Variants in KCTD16 observed in about 807,000 individuals in gnomAD.
The protein encoded by KCTD16 is potassium channel tetramerization domain containing 16.
Under a neutral mutation model 33.2 loss-of-function variants are expected in KCTD16, and 13 were observed. That is an observed-to-expected ratio of 0.39 (90% confidence interval 0.25 to 0.62). The LOEUF is 0.62. Among genes scored for constraint, KCTD16 ranks in the 20% least tolerant of loss-of-function variants. The probability of loss-of-function intolerance (pLI) is 0.50; values close to 1 mark genes in which losing one functional copy is unlikely to be tolerated. For synonymous variants in KCTD16, 197 were observed against 195.3 expected (o/e 1.01, Z -0.07); for missense variants, 441 against 525.1 (o/e 0.84, Z 1.57).
chr5:144,393,948 TTTTC>T (rs1405275885), intron 3 of KCTD16, among the ~76,000 whole-genome samples: 4 of 151,394 alleles, frequency 2.6e-5, no homozygotes, highest in South Asian at 4.2e-4. Context: ...CTTTTCCTTT[TTTTC>T]TTTCTTTTTT....
In KCTD16 at chr5:144,480,106, A is replaced by T. The variant is rs1427638379; in HGVS notation, c.*5992A>T. ...TCCATCACAAATGGAAGCAGAACTG[A>T]TGCTTAGTAAAGTAATGAGAGTTGC... is the stretch of plus-strand genomic sequence containing the variant. On this transcript the variant is annotated 3_prime_UTR_variant, in exon 4 of 4. Coordinates refer to ENST00000512467, the MANE Select transcript of KCTD16 (RefSeq NM_020768.4). 6.6e-6 allele frequency: 1 copy of T among 152,010 alleles called. No individual in the cohort carries two copies. Among genetic ancestry groups the T allele is most frequent in the Non-Finnish European group, 1.5e-5 (1 of 67,964 alleles). The allele number at this position is 152,010 out of a possible 1,614,324, so 9.4% of individuals were successfully genotyped here.
intron 3 of KCTD16, among the ~76,000 whole-genome samples, chr5:144,309,768 G>A (rs1751710115): frequency 6.6e-6 from 1 of 152,012 alleles, no homozygotes; most frequent in African/African-American, 2.4e-5. Context: ...TATGAGAGAT[G>A]GACCATTTTG....
chr5:144,235,915 C>A (rs935585933), intron 3 of KCTD16, among the ~76,000 whole-genome samples: 1 of 151,928 alleles, frequency 6.6e-6, no homozygotes, highest in African/African-American at 2.4e-5. Context: ...AAATCTTATC[C>A]CAATGCATGC....
intron 3 of KCTD16, among the ~76,000 whole-genome samples, chr5:144,467,762 G>C (rs750875936): frequency 3.3e-5 from 5 of 152,080 alleles, no homozygotes; most frequent in Non-Finnish European, 7.4e-5. Context: ...ACACATTCCT[G>C]CAGGTCAAGA....
intron 3 of KCTD16, among the ~76,000 whole-genome samples, chr5:144,362,560 C>T (rs548817699): frequency 2.6e-5 from 4 of 152,240 alleles, no homozygotes; most frequent in African/African-American, 9.6e-5. Flanking sequence ...CGATCACTAC[C>T]TTGAGGTTCT....
intron 3 of KCTD16, among the ~76,000 whole-genome samples, chr5:144,280,311 T>C (rs1410665602): frequency 5.3e-5 from 8 of 152,152 alleles, no homozygotes; most frequent in Non-Finnish European, 1.2e-4. Context: ...TGGAGTTTTA[T>C]TTGTTGGAAG....
intron 3 of KCTD16, among the ~76,000 whole-genome samples, chr5:144,217,780 A>G (rs1484488268): frequency 2.0e-5 from 3 of 152,084 alleles, no homozygotes; most frequent in African/African-American, 4.8e-5. Flanking sequence ...CAATCTGCAT[A>G]TACTTCATTG....
chr5:144,411,004 C>A lies in KCTD16; in HGVS notation c.833-62656C>A, dbSNP rs149303780. On this transcript the variant is annotated intron_variant, in intron 3 of 3. Coordinates refer to ENST00000512467, the MANE Select transcript of KCTD16 (RefSeq NM_020768.4). ...TTTTTAGAAAGATAAGATCTATACC[C>A]AAAATCTATAAAGCACTGATGAAAA... 4.6e-4 allele frequency among the ~76,000 whole-genome samples: 70 copies of A among 152,044 alleles called. 1 individual carries two copies. In the East Asian group the frequency reaches 0.013, roughly 27 times the overall value.
chr5:144,441,877 G>T (rs1753719269), intron 3 of KCTD16, among the ~76,000 whole-genome samples: 1 of 150,216 alleles, frequency 6.7e-6, no homozygotes. Context: ...AAAAAATCTG[G>T]GATTTTTGTT....
intron 3 of KCTD16, among the ~76,000 whole-genome samples, chr5:144,259,784 A>G (rs764844743): frequency 3.3e-5 from 5 of 152,256 alleles, no homozygotes; most frequent in South Asian, 2.1e-4. Context: ...AGATGCAAGT[A>G]GGTGACCTGT....
At chr5:144,297,727 A>AT (rs1227107541) in intron 3 of KCTD16, among the ~76,000 whole-genome samples, 1 of 152,180 alleles carries the variant, frequency 6.6e-6, no homozygotes, top group East Asian at 1.9e-4. Context: ...TTAAAATGCT[A>AT]ATTAGGCAAA....
intron 3 of KCTD16, among the ~76,000 whole-genome samples, chr5:144,447,442 G>T (rs1753844407): frequency 6.6e-6 from 1 of 151,966 alleles, no homozygotes; most frequent in South Asian, 2.1e-4. Context: ...AGCATTAGGA[G>T]AAATACCTAC....
intron 3 of KCTD16, among the ~76,000 whole-genome samples, chr5:144,436,465 T>C (rs1753580433): frequency 6.6e-6 from 1 of 152,168 alleles, no homozygotes; most frequent in Non-Finnish European, 1.5e-5. Context: ...GAAAGGATTC[T>C]GGGTTCAGGA....
At chr5:144,313,031 C>A (rs913750774) in intron 3 of KCTD16, among the ~76,000 whole-genome samples, 7 of 152,106 alleles carry the variant, frequency 4.6e-5, no homozygotes, top group East Asian at 1.9e-4. Context: ...ATGGAAAAAA[C>A]CAAACGAAGA....
At chr5:144,409,661 C>A (rs1752888926) in intron 3 of KCTD16, among the ~76,000 whole-genome samples, 1 of 152,016 alleles carries the variant, frequency 6.6e-6, no homozygotes, top group Admixed American at 6.6e-5. Flanking sequence ...GGTTCGAGAC[C>A]AGCCTGGCCA....
chr5:144,189,980 A>G (rs925426601), intron 2 of KCTD16, among the ~76,000 whole-genome samples: 2 of 152,172 alleles, frequency 1.3e-5, no homozygotes, highest in Admixed American at 1.3e-4. Context: ...CCACCGGAAA[A>G]GGTTTTGGAG....
chr5:144,246,820 A>G (rs1048091364), intron 3 of KCTD16, among the ~76,000 whole-genome samples: 1 of 151,624 alleles, frequency 6.6e-6, no homozygotes, highest in African/African-American at 2.4e-5. Flanking sequence ...TTTCTGTGTC[A>G]TTCCTCCAAC....
chr5:144,382,561 A>G (rs1702703765), intron 3 of KCTD16, among the ~76,000 whole-genome samples: 1 of 152,114 alleles, frequency 6.6e-6, no homozygotes, highest in African/African-American at 2.4e-5. Context: ...ATGAATATGG[A>G]ATAGAAACAT....
Position 144,465,217 on chromosome 5 carries a change from T to C in KCTD16, c.833-8443T>C, listed in dbSNP as rs199762457. ...TCTCTCTCACTCTCTCTCTCTCTCT[T>C]TCTCTCTCTCGCCTTTCTGGACATT... On this transcript the variant is annotated intron_variant, in intron 3 of 3. Transcript: ENST00000512467. Among the ~76,000 whole-genome samples the C allele has an allele frequency of 1.4e-4, 19 of 132,650 alleles. No individual in the cohort carries two copies. The South Asian group carries it at 5.1e-3, about 36-fold the overall frequency. 87.0% of individuals were successfully genotyped at this position (132,650 alleles called of 152,430 possible). A position where few individuals can be genotyped will look rare whatever the true frequency, so the allele number is the denominator to read the frequency against.
Sources: gnomAD v4.1 joint callset for allele counts (sites outside exome capture counted in the v4.1 genomes callset) on GRCh38, gnomAD v4.1.1 for gene constraint, MANE v1.5 for transcripts, NCBI Gene and HGNC (gene_info 2026-07-23, HGNC 2026-07-21) for gene names.